Variants in SCRN1 observed in about 807,000 individuals in gnomAD.
SCRN1 encodes the protein secernin-1.
Under a neutral mutation model 43.3 loss-of-function variants are expected in SCRN1, and 19 were observed. That is an observed-to-expected ratio of 0.44 (90% CI 0.31 to 0.64). SCRN1 has a LOEUF of 0.64. Among genes scored for constraint, SCRN1 ranks in the 30% least tolerant of loss-of-function variants. SCRN1 has a pLI of 0.09. For synonymous variants in SCRN1, 183 were observed against 188.9 expected, an observed-to-expected ratio of 0.97 and a Z score of 0.26; for missense variants, 447 against 524.1, an observed-to-expected ratio of 0.85 and a Z score of 1.44.
At position 29,977,354 on chromosome 7, in the gene SCRN1, A is replaced by C. The variant is rs145123577; in HGVS notation, c.-1-8286T>G. 2.5e-3 allele frequency among the ~76,000 whole-genome samples: 379 copies of C among 152,346 alleles called. 1 individual carries two copies. Among genetic ancestry groups the C allele is most frequent in the African/African-American group, 8.7e-3 (363 of 41,568 alleles). Reference sequence around the variant, plus strand: ...GAAATTATTATACTCTTCATTAATAAATTCATTTTTAAATGATTGCCATTC... The same window carrying C: ...GAAATTATTATACTCTTCATTAATACATTCATTTTTAAATGATTGCCATTC... On this transcript the variant is annotated intron_variant, in intron 1 of 7. Coordinates refer to ENST00000242059, the MANE Select transcript of SCRN1 (RefSeq NM_014766.5).
At chr7:29,978,443 A>G (rs1467714163) in intron 1 of SCRN1, among the ~76,000 whole-genome samples, 1 of 152,090 alleles carries the variant, frequency 6.6e-6, no homozygotes, top group Non-Finnish European at 1.5e-5. Context: ...AGGCCAATGA[A>G]AGCGCCACCT....
chr7:29,940,630 C>T, intron 5 of SCRN1, 52 bp downstream of exon 5: 2 of 1,497,926 alleles, frequency 1.3e-6, no homozygotes, highest in Non-Finnish European at 1.8e-6. Flanking sequence ...TCAGAAACAG[C>T]TGCAAGAGAA....
chr7:29,982,805 C>G (rs1172193415), intron 1 of SCRN1, among the ~76,000 whole-genome samples: 1 of 151,886 alleles, frequency 6.6e-6, no homozygotes, highest in East Asian at 1.9e-4. Flanking sequence ...CCAGGCTGCC[C>G]TGACTCTATC....
At chr7:29,989,117 G>C (rs1029996139) in intron 1 of SCRN1, 1 of 152,232 alleles carries the variant, frequency 6.6e-6, no homozygotes, top group African/African-American at 2.4e-5. Flanking sequence ...GGGCTGCTCC[G>C]GGACACGGTG....
At chr7:29,958,544 T>A (rs929455863) in intron 2 of SCRN1, among the ~76,000 whole-genome samples, 11 of 152,338 alleles carry the variant, frequency 7.2e-5, no homozygotes, top group South Asian at 4.1e-4. Flanking sequence ...ACCTGACATC[T>A]TCTTTCAGTG....
intron 6 of SCRN1, among the ~76,000 whole-genome samples, chr7:29,931,291 T>C (rs1019409067): frequency 5.3e-5 from 8 of 152,268 alleles, no homozygotes; most frequent in African/African-American, 1.7e-4. Context: ...ATTCTCATGG[T>C]ACTCTTATTC....
intron 1 of SCRN1, among the ~76,000 whole-genome samples, chr7:29,983,756 A>G (rs1395363137): frequency 6.6e-6 from 1 of 152,244 alleles, no homozygotes; most frequent in Non-Finnish European, 1.5e-5. Flanking sequence ...CAGTATTAAG[A>G]TAGTTTGTTA....
At chr7:29,980,692 G>A (rs1788968656) in intron 1 of SCRN1, among the ~76,000 whole-genome samples, 1 of 152,038 alleles carries the variant, frequency 6.6e-6, no homozygotes, top group African/African-American at 2.4e-5. Flanking sequence ...CTGGCAAAGT[G>A]GAATTTAAAA....
At chr7:29,939,283 A>G (rs1002730075) in intron 5 of SCRN1, among the ~76,000 whole-genome samples, 4 of 151,986 alleles carry the variant, frequency 2.6e-5, no homozygotes, top group African/African-American at 9.7e-5. Context: ...GTGCAATCAT[A>G]CCTCACCGCA....
intron 1 of SCRN1, among the ~76,000 whole-genome samples, chr7:29,985,751 A>G (rs1010334191): frequency 2.0e-5 from 3 of 152,162 alleles, no homozygotes; most frequent in Non-Finnish European, 2.9e-5. Flanking sequence ...TCTCATACTC[A>G]GCAGTCCCAG....
At chr7:29,947,358 C>A in intron 3 of SCRN1, 1 of 1,544,616 alleles carries the variant, frequency 6.5e-7, no homozygotes, top group Non-Finnish European at 8.7e-7. Context: ...ACTTCTCCTG[C>A]TTAAAGCCCG....
intron 1 of SCRN1, 94 bp downstream of exon 1, chr7:29,989,545 GGGA>G (rs1233175436): frequency 8.1e-6 from 8 of 985,080 alleles, no homozygotes; most frequent in African/African-American, 1.7e-5. Flanking sequence ...GAGGGACAGC[GGGA>G]GGAGATGAAA....
At chr7:29,955,877 A>G (rs1032362400) in intron 2 of SCRN1, among the ~76,000 whole-genome samples, 4 of 152,210 alleles carry the variant, frequency 2.6e-5, no homozygotes, top group African/African-American at 9.7e-5. Flanking sequence ...GAAAACAGAA[A>G]AGGATAATAA....
intron 3 of SCRN1, among the ~76,000 whole-genome samples, chr7:29,949,616 A>T (rs532974764): frequency 6.6e-6 from 1 of 151,328 alleles, no homozygotes; most frequent in East Asian, 2.0e-4. Context: ...GGCTCAAGCA[A>T]TCCTCCTGCC....
At chr7:29,944,946 T>C (rs1787684673) in intron 3 of SCRN1, among the ~76,000 whole-genome samples, 1 of 152,170 alleles carries the variant, frequency 6.6e-6, no homozygotes, top group African/African-American at 2.4e-5. Context: ...TCTATTATTC[T>C]ACACCAGGTA....
chr7:29,976,540 C>T (rs1365889216), intron 1 of SCRN1, among the ~76,000 whole-genome samples: 1 of 152,136 alleles, frequency 6.6e-6, no homozygotes, highest in Admixed American at 6.5e-5. Context: ...CTGAACTCTA[C>T]AGTTAAAAAT....
At chr7:29,928,014 T>A (rs974911121) in intron 6 of SCRN1, among the ~76,000 whole-genome samples, 69 of 152,062 alleles carry the variant, frequency 4.5e-4, no homozygotes, top group African/African-American at 1.5e-3. Flanking sequence ...TCCCAGCTAC[T>A]CAGGAGGTTG....
Position 29,923,888 on chromosome 7 carries a change from T to A in SCRN1, c.*69A>T. 1 of 1,467,728 alleles carries A rather than the reference T, an allele frequency of 6.8e-7. No individual in the cohort carries two copies. Among genetic ancestry groups the A allele is most frequent in the South Asian group, 1.3e-5 (1 of 74,578 alleles). 90.9% of individuals were successfully genotyped at this position (1,467,728 alleles called of 1,614,324 possible). A position where few individuals can be genotyped will look rare whatever the true frequency, so the allele number is the denominator to read the frequency against. ...TTCTCATTTTACTCAAACAGGAGAG[T>A]GGTTTGTTTTGCTGGTAATTTAGTA... On this transcript the variant is annotated 3_prime_UTR_variant, in exon 8 of 8. Coordinates refer to ENST00000242059, the MANE Select transcript of SCRN1 (RefSeq NM_014766.5).
intron 3 of SCRN1, chr7:29,947,348 ACTT>A: frequency 5.2e-6 from 8 of 1,548,604 alleles, no homozygotes; most frequent in Non-Finnish European, 7.0e-6. Flanking sequence ...TCACACCTGT[ACTT>A]CTCCTGCTTA....
Sources: gnomAD v4.1 joint callset for allele counts (sites outside exome capture counted in the v4.1 genomes callset) on GRCh38, gnomAD v4.1.1 for gene constraint, MANE v1.5 for transcripts, NCBI Gene and HGNC (gene_info 2026-07-23, HGNC 2026-07-21) for gene names.